Variants in PLCB1 observed in about 807,000 individuals in gnomAD.
PLCB1 encodes 1-phosphatidylinositol 4,5-bisphosphate phosphodiesterase beta-1.
PLCB1 carries 46 observed loss-of-function variants against 161.8 expected under a neutral mutation model. That is an observed-to-expected ratio of 0.28 (90% confidence interval 0.22 to 0.36). The LOEUF is 0.36. PLCB1 is among the 10% of genes least tolerant of loss of function. The probability of loss-of-function intolerance (pLI) is 1.00; values close to 1 mark genes in which losing one functional copy is unlikely to be tolerated. For synonymous variants in PLCB1, 517 were observed against 503.7 expected, an observed-to-expected ratio of 1.03 and a Z score of -0.35; for missense variants, 1,016 against 1,472.5, an observed-to-expected ratio of 0.69 and a Z score of 5.07.
chr20:8,355,780 C>G (rs1353252369), intron 2 of PLCB1, among the ~76,000 whole-genome samples: 1 of 152,186 alleles, frequency 6.6e-6, no homozygotes, highest in Non-Finnish European at 1.5e-5. Context: ...CTGCAGTAAT[C>G]ACCAAGTATA....
chr20:8,650,833 C>T (rs1214521521), intron 7 of PLCB1, among the ~76,000 whole-genome samples: 4 of 131,474 alleles, frequency 3.0e-5, no homozygotes, highest in Admixed American at 7.8e-5. Context: ...GAGCTGTGCT[C>T]AGAAAGTTTT....
At chr20:8,817,916 T>C (rs1600352129) in intron 31 of PLCB1, among the ~76,000 whole-genome samples, 1 of 152,220 alleles carries the variant, frequency 6.6e-6, no homozygotes, top group African/African-American at 2.4e-5. Context: ...AAATTGATTC[T>C]CTATAAGTGA....
intron 2 of PLCB1, among the ~76,000 whole-genome samples, chr20:8,329,625 G>A (rs1350306223): frequency 6.6e-6 from 1 of 152,106 alleles, no homozygotes; most frequent in Admixed American, 6.6e-5. Flanking sequence ...TTTGTTTCTT[G>A]TGCAATGATA....
chr20:8,368,705 A>C (rs1986805992), intron 2 of PLCB1, among the ~76,000 whole-genome samples: 1 of 152,138 alleles, frequency 6.6e-6, no homozygotes, highest in Non-Finnish European at 1.5e-5. Context: ...AATAATTATA[A>C]AGAGAACACC....
chr20:8,825,193 C>CA (rs1403283263), intron 31 of PLCB1, among the ~76,000 whole-genome samples: 1 of 152,062 alleles, frequency 6.6e-6, no homozygotes, highest in East Asian at 1.9e-4. Flanking sequence ...TTTACCCCCC[C>CA]AAAAAAGGAG....
At chr20:8,410,942 G>C (rs1979016051) in intron 3 of PLCB1, among the ~76,000 whole-genome samples, 1 of 152,182 alleles carries the variant, frequency 6.6e-6, no homozygotes, top group South Asian at 2.1e-4. Flanking sequence ...AACCACCAGA[G>C]GCTGAAAGAG....
intron 9 of PLCB1, among the ~76,000 whole-genome samples, chr20:8,680,216 G>T (rs953878033): frequency 6.6e-5 from 10 of 152,174 alleles, no homozygotes; most frequent in African/African-American, 1.9e-4. Context: ...AACAGTGCAA[G>T]TTTGATAGAA....
At chr20:8,483,294 G>A (rs1168853265) in intron 3 of PLCB1, among the ~76,000 whole-genome samples, 1 of 152,170 alleles carries the variant, frequency 6.6e-6, no homozygotes, top group Non-Finnish European at 1.5e-5. Context: ...ACTGGGATGG[G>A]CTTAGCTGTT....
chr20:8,528,703 A>G (rs1195155756), intron 3 of PLCB1, among the ~76,000 whole-genome samples: 2 of 152,032 alleles, frequency 1.3e-5, no homozygotes, highest in African/African-American at 4.8e-5. Flanking sequence ...TACATAAAAG[A>G]AAGTAAAGCC....
intron 19 of PLCB1, among the ~76,000 whole-genome samples, chr20:8,734,952 T>C (rs1047697454): frequency 2.6e-5 from 4 of 152,208 alleles, no homozygotes; most frequent in Admixed American, 1.3e-4. Flanking sequence ...TCACTTTATA[T>C]CAAGGGTTTA....
intron 2 of PLCB1, among the ~76,000 whole-genome samples, chr20:8,227,769 G>A (rs1004085581): frequency 1.3e-5 from 2 of 152,152 alleles, no homozygotes; most frequent in Non-Finnish European, 2.9e-5. Flanking sequence ...CTCGGGAATG[G>A]TCAATCTGAT....
At chr20:8,186,485 A>T (rs1340067830) in intron 2 of PLCB1, among the ~76,000 whole-genome samples, 3 of 152,118 alleles carry the variant, frequency 2.0e-5, no homozygotes, top group South Asian at 2.1e-4. Flanking sequence ...TTTATTCTAT[A>T]TTGACTGTGA....
At chr20:8,694,538 C>T (rs767539666) in intron 10 of PLCB1, among the ~76,000 whole-genome samples, 6 of 152,138 alleles carry the variant, frequency 3.9e-5, no homozygotes, top group Admixed American at 6.5e-5. Flanking sequence ...AATTCCTTCT[C>T]ATTGTTCTTT....
At position 8,602,412 on chromosome 20, in the gene PLCB1, C is replaced by G. The variant is rs566562663; in HGVS notation, c.247-25882C>G. On this transcript the variant is annotated intron_variant, in intron 3 of 31. Coordinates refer to ENST00000338037, the MANE Select transcript of PLCB1 (RefSeq NM_015192.4). ...TCACTTCTGAAAATTGAATTAAGCC[C>G]TGAATGTCAATGGTGAATTAACATG... Among the ~76,000 whole-genome samples the G allele has an allele frequency of 9.2e-5, 14 of 152,220 alleles. No homozygotes were observed. In the South Asian group the frequency reaches 2.7e-3, roughly 29 times the overall value.
intron 2 of PLCB1, among the ~76,000 whole-genome samples, chr20:8,280,702 T>C (rs1020079239): frequency 6.6e-6 from 1 of 152,230 alleles, no homozygotes; most frequent in African/African-American, 2.4e-5. Context: ...TTTGAAACCC[T>C]GTTTTTTGAC....
At chr20:8,653,163 A>G (rs934360123) in intron 7 of PLCB1, 1 of 152,090 alleles carries the variant, frequency 6.6e-6, no homozygotes, top group South Asian at 2.1e-4. Context: ...GAATAAACCC[A>G]TGTATTTGTT....
chr20:8,439,734 AG>A (rs1046440479), intron 3 of PLCB1, among the ~76,000 whole-genome samples: 8 of 152,016 alleles, frequency 5.3e-5, no homozygotes, highest in Non-Finnish European at 1.2e-4. Flanking sequence ...GCTTGATTTA[AG>A]CTTTTTTCCC....
At chr20:8,642,007 G>A (rs1397975699) in intron 4 of PLCB1, among the ~76,000 whole-genome samples, 1 of 152,134 alleles carries the variant, frequency 6.6e-6, no homozygotes, top group Non-Finnish European at 1.5e-5. Context: ...TTTGTCAGAT[G>A]TAGCTTAAAG....
At chr20:8,416,815 T>G (rs1242518289) in intron 3 of PLCB1, among the ~76,000 whole-genome samples, 1 of 151,826 alleles carries the variant, frequency 6.6e-6, no homozygotes, top group African/African-American at 2.4e-5. Flanking sequence ...GAAGAGTACT[T>G]GGCAAATTAG....
Sources: gnomAD v4.1 joint callset for allele counts (sites outside exome capture counted in the v4.1 genomes callset) on GRCh38, gnomAD v4.1.1 for gene constraint, MANE v1.5 for transcripts, NCBI Gene and HGNC (gene_info 2026-07-23, HGNC 2026-07-21) for gene names.